The following NUP205 variants were observed in gnomAD, a reference collection of about 807,000 sequenced individuals.
NUP205 encodes nuclear pore complex protein Nup205.
A neutral mutation model predicts 253.8 loss-of-function variants in NUP205; 76 were observed. That is an observed-to-expected ratio of 0.30 (90% CI 0.25 to 0.36). The LOEUF is 0.36. Ranked by LOEUF, NUP205 falls within the 10% of genes least tolerant of loss-of-function variation. NUP205 has a pLI of 1.00. For synonymous variants in NUP205, 832 were observed against 850.1 expected (o/e 0.98, Z 0.37); for missense variants, 2,162 against 2,425.5 (o/e 0.89, Z 2.28).
intron 35 of NUP205, among the ~76,000 whole-genome samples, chr7:135,631,142 G>A (rs1328410374): frequency 1.3e-5 from 2 of 151,948 alleles, no homozygotes; most frequent in Non-Finnish European, 2.9e-5. Flanking sequence ...AATGAGAATA[G>A]GATGACCTTT....
intron 1 of NUP205, among the ~76,000 whole-genome samples, chr7:135,560,304 T>A (rs1805548990): frequency 6.6e-6 from 1 of 152,182 alleles, no homozygotes; most frequent in Non-Finnish European, 1.5e-5. Context: ...CCTATATACA[T>A]TCCTTTAGTA....
chr7:135,571,303 A>T (rs1336144063), intron 2 of NUP205, 56 bp downstream of exon 2: 46 of 1,171,418 alleles, frequency 3.9e-5, no homozygotes, highest in Non-Finnish European at 4.6e-5. Flanking sequence ...AAGATCGAGG[A>T]AGGAAGTAAA....
At chr7:135,561,917 C>T (rs150205118) in intron 1 of NUP205, among the ~76,000 whole-genome samples, 6 of 147,672 alleles carry the variant, frequency 4.1e-5, no homozygotes, top group African/African-American at 1.3e-4. Context: ...CCTTCCTTCC[C>T]TCCTTCCTTC....
chr7:135,585,592 C>T (rs1329806081), intron 8 of NUP205, among the ~76,000 whole-genome samples: 16 of 150,416 alleles, frequency 1.1e-4, no homozygotes, highest in Admixed American at 1.0e-3. Flanking sequence ...TGCTCTATTG[C>T]GCCCAGGCTG....
At chr7:135,603,082 C>A in intron 18 of NUP205, 88 bp downstream of exon 18, 79 of 724,968 alleles carry the variant, frequency 1.1e-4, no homozygotes, top group Non-Finnish European at 1.6e-4. Context: ...TCTAGTGCAT[C>A]ACCTTTTTTT....
Position 135,628,066 on chromosome 7 carries a change from C to G in NUP205, c.4887C>G (p.Val1629=). The G allele has an allele frequency of 2.5e-6, 4 of 1,610,760 alleles. No homozygotes were observed. Among genetic ancestry groups the G allele is most frequent in the Non-Finnish European group, 2.5e-6 (3 of 1,179,448 alleles). Residue 1629 remains valine, a synonymous_variant, in exon 34 of 43, where the codon GTC becomes GTG. Transcript: ENST00000285968. The stretch of plus-strand genomic sequence containing the variant: ...TCCCAGCTCTCCAGCTGTGCCAGGT[C>G]ATCCTCACATCTAGTATGGCCCAGC... ...ILLPALQLCQ[V]ILTSSMAQHL...
Position 135,638,093 on chromosome 7 carries a change from GT to G in NUP205, c.5265+39del, listed in dbSNP as rs772684000. The G allele has an allele frequency of 6.3e-6, 10 of 1,597,016 alleles. No individual in the cohort carries two copies. In the South Asian group the frequency reaches 1.1e-4, roughly 18 times the overall value. Reference sequence around the variant, plus strand: ...CATGTGACTTCTCTAAGGTTTTTATGTTTTTGGAAAATGTTGATAAAAATAA... The same window carrying G: ...CATGTGACTTCTCTAAGGTTTTTATGTTTTGGAAAATGTTGATAAAAATAA... On this transcript the variant is annotated intron_variant, in intron 37 of 42. Coordinates refer to ENST00000285968, the MANE Select transcript of NUP205 (RefSeq NM_015135.3).
chr7:135,571,599 A>G (rs1465769151), intron 2 of NUP205, among the ~76,000 whole-genome samples: 2 of 152,096 alleles, frequency 1.3e-5, no homozygotes, highest in Admixed American at 1.3e-4. Flanking sequence ...TAAAGGATGT[A>G]TATATTTATG....
chr7:135,576,550 T>A (rs2129489839), intron 4 of NUP205, 136 bp downstream of exon 4: 1 of 740,774 alleles, frequency 1.3e-6, no homozygotes, highest in Non-Finnish European at 2.2e-6. Flanking sequence ...CCAAGACAGA[T>A]ATAACAATTT....
chr7:135,626,847 ATT>A (rs1363553613), intron 33 of NUP205, among the ~76,000 whole-genome samples: 1 of 151,984 alleles, frequency 6.6e-6, no homozygotes, highest in Non-Finnish European at 1.5e-5. Context: ...ATTTGATTTG[ATT>A]TTCTTTTTTG....
intron 1 of NUP205, among the ~76,000 whole-genome samples, chr7:135,562,353 ACACCTGGCT>A (rs966931678): frequency 4.1e-4 from 62 of 151,634 alleles, no homozygotes; most frequent in African/African-American, 1.5e-3. Flanking sequence ...GCCCACCACC[ACACCTGGCT>A]AATTTTTGTA....
intron 35 of NUP205, among the ~76,000 whole-genome samples, chr7:135,634,727 C>T (rs893151764): frequency 2.0e-5 from 3 of 151,968 alleles, no homozygotes; most frequent in East Asian, 1.9e-4. Flanking sequence ...GATAAGCTCT[C>T]GGGAAGCGGT....
Position 135,573,830 on chromosome 7 carries a change from G to A in NUP205, c.343+5G>A. ...CTGTTGAGCTTCTTCTTGCTGGTAG[G>A]TTGACATTTAACTGAAACAGTGGTA... On this transcript the variant is annotated splice_donor_5th_base_variant and intron_variant, in intron 3 of 42. Transcript: ENST00000285968. 1 of 1,605,182 alleles carries A rather than the reference G, an allele frequency of 6.2e-7. No individual in the cohort carries two copies. The highest frequency in any genetic ancestry group is 8.5e-7 in the Non-Finnish European group (1 of 1,176,608).
chr7:135,576,445 A>G, intron 4 of NUP205, 31 bp downstream of exon 4: 1 of 1,585,280 alleles, frequency 6.3e-7, no homozygotes, highest in Non-Finnish European at 8.6e-7. Context: ...TTCAGGGGTT[A>G]ATTTGAAATT....
At chr7:135,606,080 C>A (rs1584668444) in intron 19 of NUP205, 65 bp from the exon 20 acceptor site, 3 of 1,048,602 alleles carry the variant, frequency 2.9e-6, no homozygotes, top group East Asian at 4.8e-5. Flanking sequence ...ATATATCAAT[C>A]ATAGTTTTTC....
chr7:135,583,320 A>G (rs1806361210), intron 7 of NUP205, among the ~76,000 whole-genome samples: 1 of 152,168 alleles, frequency 6.6e-6, no homozygotes, highest in African/African-American at 2.4e-5. Flanking sequence ...TTTATATTCA[A>G]AATTTAAGAG....
In NUP205 at chr7:135,627,997, A is replaced by C. The variant is rs372349240; in HGVS notation, c.4818A>C (p.Pro1606=). ...GCATGTTTGGCATGAGAGACCCTCC[A>C]ATGTTCATCCCTACCCCAGTGGATC... ...PQSMFGMRDP[P]MFIPTPVDRY... Residue 1606 remains proline (P), a synonymous_variant, in exon 34 of 43, where the codon CCA becomes CCC. Transcript: ENST00000285968. The C allele has an allele frequency of 9.3e-5, 150 of 1,612,252 alleles. No individual in the cohort carries two copies. The Middle Eastern group carries it at 5.8e-3, about 62-fold the overall frequency.
intron 5 of NUP205, 25 bp from the exon 6 acceptor site, chr7:135,577,771 C>G (rs761916643): frequency 6.5e-7 from 1 of 1,534,494 alleles, no homozygotes; most frequent in Non-Finnish European, 9.0e-7. Flanking sequence ...TTTATTTATA[C>G]TGATAGTCAT....
intron 38 of NUP205, among the ~76,000 whole-genome samples, chr7:135,642,843 G>GGGGT (rs368168185): frequency 1.0e-4 from 15 of 144,984 alleles, no homozygotes; most frequent in African/African-American, 3.6e-4. Flanking sequence ...GATGTGGAGG[G>GGGGT]GTGTGTGTGT....
Sources: gnomAD v4.1 joint callset for allele counts (sites outside exome capture counted in the v4.1 genomes callset) on GRCh38, gnomAD v4.1.1 for gene constraint, MANE v1.5 for transcripts, NCBI Gene and HGNC (gene_info 2026-07-23, HGNC 2026-07-21) for gene names.